The following FAM193A variants were observed in gnomAD, a reference collection of about 807,000 sequenced individuals.
The protein encoded by FAM193A is protein FAM193A.
In FAM193A, 22 loss-of-function variants were observed where a neutral mutation model predicts 126.5. That is an observed-to-expected ratio of 0.17 (90% CI 0.12 to 0.25). The LOEUF (loss-of-function observed/expected upper bound fraction) is 0.25. Ranked by LOEUF, FAM193A falls within the 10% of genes least tolerant of loss-of-function variation. FAM193A has a pLI of 1.00. For missense variants in FAM193A, 1,675 were observed against 1,672.8 expected (o/e 1.00, Z -0.02); for synonymous variants, 761 against 646.8 (o/e 1.18, Z -2.68).
chr4:2,692,139 A>G (rs1397407091), intron 15 of FAM193A, among the ~76,000 whole-genome samples: 3 of 152,190 alleles, frequency 2.0e-5, no homozygotes, highest in Non-Finnish European at 2.9e-5. Context: ...CCAAGACTGG[A>G]TGATTTATAA....
chr4:2,569,268 A>C (rs930574755), intron 1 of FAM193A, among the ~76,000 whole-genome samples: 1 of 151,934 alleles, frequency 6.6e-6, no homozygotes, highest in African/African-American at 2.4e-5. Flanking sequence ...CGCCCGGTCC[A>C]GATTCTTGTG....
rs1294200114 is a variant in FAM193A, at chr4:2,699,980, C to T, written c.3808C>T (p.Pro1270Ser). 9.9e-6 allele frequency: 16 copies of T among 1,613,964 alleles called. No individual in the cohort carries two copies. Among genetic ancestry groups the T allele is most frequent in the Non-Finnish European group, 1.4e-5 (16 of 1,180,002 alleles). ...TGGCTCACTAGAGCAAACTGAAGAA[C>T]CAGAAACCTCTTCTCACTCCCCATC... The part of the protein sequence containing the change: ...HNGSLEQTEE[P>S]ETSSHSPSRH... Residue 1270 changes from proline (P) to serine (S), a missense_variant, in exon 19 of 21, where the codon CCA becomes TCA. Transcript: ENST00000637812.
chr4:2,689,476 G>T, intron 13 of FAM193A, 30 bp from the exon 14 acceptor site: 1 of 1,498,912 alleles, frequency 6.7e-7, no homozygotes. Context: ...TATTAATTTT[G>T]ATATGTGATT....
chr4:2,652,119 T>C (rs977421016), intron 7 of FAM193A, among the ~76,000 whole-genome samples: 1 of 152,144 alleles, frequency 6.6e-6, no homozygotes, highest in Non-Finnish European at 1.5e-5. Context: ...ATTCATTGTT[T>C]ACCAGGGATT....
At chr4:2,711,841 C>A (rs544888585) in intron 19 of FAM193A, among the ~76,000 whole-genome samples, 1 of 151,932 alleles carries the variant, frequency 6.6e-6, no homozygotes, top group African/African-American at 2.4e-5. Context: ...GCAGAAGAAT[C>A]GCTTGAATTT....
At chr4:2,635,352 T>C (rs1006913712) in intron 5 of FAM193A, among the ~76,000 whole-genome samples, 4 of 152,186 alleles carry the variant, frequency 2.6e-5, no homozygotes, top group Non-Finnish European at 5.9e-5. Context: ...GTGTGCTTTT[T>C]TATGCAGACT....
chr4:2,566,282 C>T (rs554610694), intron 1 of FAM193A, among the ~76,000 whole-genome samples: 177 of 152,272 alleles, frequency 1.2e-3, no homozygotes, highest in African/African-American at 3.5e-3. Context: ...CTTCTGACCT[C>T]GTGATCTGCC....
chr4:2,665,226 A>G (rs138491524), intron 12 of FAM193A, among the ~76,000 whole-genome samples: 16 of 152,338 alleles, frequency 1.1e-4, no homozygotes, highest in Non-Finnish European at 1.8e-4. Context: ...ATTCACAGTA[A>G]AAGGTATTTT....
intron 15 of FAM193A, among the ~76,000 whole-genome samples, chr4:2,693,347 C>T (rs528293031): frequency 2.0e-5 from 3 of 152,200 alleles, no homozygotes; most frequent in East Asian, 1.9e-4. Flanking sequence ...ACCAAACTGT[C>T]GATGTTCTGA....
intron 1 of FAM193A, among the ~76,000 whole-genome samples, chr4:2,555,718 C>T (rs540151541): frequency 5.7e-4 from 87 of 152,020 alleles, no homozygotes; most frequent in African/African-American, 1.8e-3. Flanking sequence ...CCCGGGCTCA[C>T]GCCGTTCTCC....
intron 1 of FAM193A, among the ~76,000 whole-genome samples, chr4:2,591,493 A>G (rs1003819268): frequency 6.6e-6 from 1 of 152,172 alleles, no homozygotes; most frequent in Non-Finnish European, 1.5e-5. Context: ...GCCGGTCGGC[A>G]GGAGGTGGCA....
At chr4:2,639,366 A>C (rs1377991251) in intron 5 of FAM193A, among the ~76,000 whole-genome samples, 2 of 152,158 alleles carry the variant, frequency 1.3e-5, no homozygotes, top group Non-Finnish European at 2.9e-5. Context: ...ATGTATCTAA[A>C]CTGTTTGAAC....
intron 20 of FAM193A, among the ~76,000 whole-genome samples, chr4:2,726,477 C>T (rs922418446): frequency 8.5e-5 from 13 of 152,148 alleles, no homozygotes; most frequent in African/African-American, 3.1e-4. Context: ...GGGAAACTGC[C>T]TTCTCTGGCC....
At chr4:2,689,480 T>C (rs747952689) in intron 13 of FAM193A, 26 bp from the exon 14 acceptor site, 2 of 1,522,356 alleles carry the variant, frequency 1.3e-6, no homozygotes, top group Non-Finnish European at 1.8e-6. Context: ...AATTTTGATA[T>C]GTGATTAGAA....
chr4:2,560,682 T>C (rs997890867), intron 1 of FAM193A, among the ~76,000 whole-genome samples: 1 of 152,238 alleles, frequency 6.6e-6, no homozygotes, highest in Admixed American at 6.5e-5. Context: ...TTATGTGTAG[T>C]ACGTTATCTT....
intron 20 of FAM193A, among the ~76,000 whole-genome samples, chr4:2,728,177 C>T (rs1220389499): frequency 6.6e-6 from 1 of 151,558 alleles, no homozygotes; most frequent in East Asian, 1.9e-4. Flanking sequence ...GTGATCTGCC[C>T]ACCTTACCTC....
chr4:2,655,165 A>G, intron 7 of FAM193A: 1 of 674,150 alleles, frequency 1.5e-6, no homozygotes, highest in Non-Finnish European at 2.7e-6. Context: ...TGCTTGCCAT[A>G]CAGACTTTTG....
chr4:2,554,564 A>G (rs1217852363), intron 1 of FAM193A, among the ~76,000 whole-genome samples: 1 of 152,178 alleles, frequency 6.6e-6, no homozygotes, highest in Non-Finnish European at 1.5e-5. Flanking sequence ...TCTGAATGTC[A>G]ATTAGATCCA....
rs1251760907 is a variant in FAM193A at position 2,700,604 on chromosome 4, T to G, written c.4372+60T>G. 4 of 1,555,400 alleles carry G rather than the reference T, an allele frequency of 2.6e-6. No individual in the cohort carries two copies. In the East Asian group the frequency reaches 9.0e-5, roughly 35 times the overall value. On this transcript the variant is annotated intron_variant, in intron 19 of 20. Transcript: ENST00000637812. ...GATGCCTGGTTTTCCATGTGTGATGTGCTAGTATAGGAAAACACTGGGTTT... is the reference window on the plus strand; with the variant it reads ...GATGCCTGGTTTTCCATGTGTGATGGGCTAGTATAGGAAAACACTGGGTTT...
Sources: allele counts gnomAD v4.1 joint callset (sites outside exome capture counted in the v4.1 genomes callset), GRCh38; gene constraint gnomAD v4.1.1; transcripts MANE v1.5; gene names NCBI Gene and HGNC (gene_info 2026-07-23, HGNC 2026-07-21).